VWDE: variants seen among roughly 807,000 people sequenced by gnomAD.
VWDE encodes von Willebrand factor D and EGF domains.
Under a neutral mutation model 178.4 loss-of-function variants are expected in VWDE, and 207 were observed. The observed-to-expected ratio is 1.16, with a 90% CI of 1.04 to 1.30. The LOEUF is 1.30. Among genes scored for constraint, VWDE ranks in the 50% most tolerant of loss-of-function variants. VWDE has a pLI of 0.00. For synonymous variants in VWDE, 738 were observed against 651.4 expected, an observed-to-expected ratio of 1.13 and a Z score of -2.02; for missense variants, 2,287 against 1,901.3, an observed-to-expected ratio of 1.20 and a Z score of -3.77.
intron 3 of VWDE, 23 bp from the exon 4 acceptor site, chr7:12,383,624 T>G (rs1489887308): frequency 1.9e-6 from 3 of 1,546,590 alleles, no homozygotes; most frequent in Non-Finnish European, 2.6e-6. Flanking sequence ...AAGGTTTGTA[T>G]AATTATTCAG....
chr7:12,354,104 TA>T (rs1448874230), intron 18 of VWDE: 9 of 175,064 alleles, frequency 5.1e-5, no homozygotes, highest in Admixed American at 6.4e-5. Flanking sequence ...TTGTGATTTC[TA>T]TCAAAAGACA....
intron 2 of VWDE, among the ~76,000 whole-genome samples, chr7:12,392,762 T>C (rs1784443560): frequency 6.7e-6 from 1 of 149,226 alleles, no homozygotes; most frequent in African/African-American, 2.5e-5. Flanking sequence ...ATGATCACAA[T>C]CATATCGTGT....
chr7:12,397,034 A>T (rs961540675), intron 1 of VWDE, among the ~76,000 whole-genome samples: 13 of 152,132 alleles, frequency 8.5e-5, no homozygotes, highest in African/African-American at 2.9e-4. Context: ...TGAAACTACC[A>T]ATGTTGTTTT....
chr7:12,362,648 C>T (rs2128553691), intron 13 of VWDE, among the ~76,000 whole-genome samples: 1 of 152,208 alleles, frequency 6.6e-6, no homozygotes, highest in Non-Finnish European at 1.5e-5. Flanking sequence ...CAGAATTTGT[C>T]ATAGAGCATG....
In VWDE at chr7:12,343,144, T is replaced by A. The variant is rs199627971; in HGVS notation, c.4113A>T (p.Thr1371=). Reference sequence around the variant, plus strand: ...AAGTGCAGAGATTCCCAGCCAAGCATGTGCCACCATGTTGACAAGGTGGGT... The same window carrying A: ...AAGTGCAGAGATTCCCAGCCAAGCAAGTGCCACCATGTTGACAAGGTGGGT... ...HCNPPCQHGG[T]CLAGNLCTCP... Residue 1371 remains threonine (T), a synonymous_variant, in exon 22 of 29, where the codon ACA becomes ACT. Coordinates refer to ENST00000275358, the MANE Select transcript of VWDE (RefSeq NM_001135924.3). The A allele has an allele frequency of 2.8e-4, 436 of 1,549,842 alleles. 1 individual carries two copies. The Middle Eastern group carries it at 3.0e-3, about 11-fold the overall frequency.
chr7:12,374,831 T>C (rs1172712538), intron 8 of VWDE, 69 bp from the exon 9 acceptor site: 1 of 1,172,848 alleles, frequency 8.5e-7, no homozygotes, highest in Non-Finnish European at 1.2e-6. Context: ...AAAAATTGCT[T>C]AGCAATCTCA....
intron 18 of VWDE, 40 bp from the exon 19 acceptor site, chr7:12,351,753 A>G (rs1208718346): frequency 1.3e-6 from 2 of 1,489,828 alleles, no homozygotes; most frequent in Admixed American, 4.7e-5. Context: ...GACTTAAACT[A>G]TTAGACAACC....
intron 19 of VWDE, among the ~76,000 whole-genome samples, chr7:12,349,800 G>A (rs920369419): frequency 2.2e-4 from 34 of 152,072 alleles, no homozygotes; most frequent in Admixed American, 1.4e-3. Flanking sequence ...ACAGTGGAAA[G>A]ATACAACTAA....
At chr7:12,388,821 T>A (rs1784229660) in intron 3 of VWDE, 1 of 486,218 alleles carries the variant, frequency 2.1e-6, no homozygotes, top group Non-Finnish European at 3.9e-6. Flanking sequence ...TCTTCATCCT[T>A]TAATTAAAAC....
Position 12,357,253 on chromosome 7 carries a change from T to C in VWDE, c.3525+12A>G. 1 of 1,549,180 alleles carries C rather than the reference T, an allele frequency of 6.5e-7. No individual in the cohort carries two copies. The highest frequency in any genetic ancestry group is 8.7e-7 in the Non-Finnish European group (1 of 1,144,968). On this transcript the variant is annotated intron_variant, in intron 17 of 28. Transcript: ENST00000275358. ...AAGAATCCAGTGGCACTTATGTAAT[T>C]ATAAAGATTACCTCAATCGTGACTC...
rs78090033 is a variant in VWDE at position 12,370,007 on chromosome 7, G to C, written c.2299C>G (p.Leu767Val). The change falls in exon 12 of 29, where the codon CTC (leucine) becomes GTC (valine). Residue 767 changes from leucine to valine, a missense_variant. Physicochemically the swap from Leu to Val is conservative, Grantham distance 32 (BLOSUM62 1). Transcript: ENST00000275358. ...EFPPLFAFPS[L>V]SQTDLEELTY... ...AGTTCTTCCAGATCCGTTTGGCTGA[G>C]ACTCGGGAAAGCAAACAAAGGAGGA... is the stretch of plus-strand genomic sequence containing the variant. The C allele has an allele frequency of 1.7e-3, 2,686 of 1,551,502 alleles. 45 individuals are homozygous for C. In the African/African-American group the frequency reaches 0.032, roughly 18 times the overall value.
At chr7:12,356,978 T>C (rs1035513145) in intron 17 of VWDE, among the ~76,000 whole-genome samples, 1 of 152,196 alleles carries the variant, frequency 6.6e-6, no homozygotes, top group East Asian at 1.9e-4. Context: ...CACACATCTT[T>C]CATGAAGGTG....
intron 4 of VWDE, among the ~76,000 whole-genome samples, chr7:12,382,611 T>C (rs1783908930): frequency 6.6e-6 from 1 of 151,950 alleles, no homozygotes; most frequent in Non-Finnish European, 1.5e-5. Context: ...TATCCTGATT[T>C]ATTTTATGTA....
chr7:12,391,325 G>A (rs111846474), intron 2 of VWDE, among the ~76,000 whole-genome samples: 2 of 152,032 alleles, frequency 1.3e-5, no homozygotes, highest in African/African-American at 4.8e-5. Flanking sequence ...GTATTAACCT[G>A]TAGAGAAAAA....
At chr7:12,400,928 T>C (rs1438389109) in intron 1 of VWDE, among the ~76,000 whole-genome samples, 4 of 152,088 alleles carry the variant, frequency 2.6e-5, no homozygotes. Flanking sequence ...ATTACTATAA[T>C]AAACCACATA....
intron 13 of VWDE, among the ~76,000 whole-genome samples, chr7:12,363,390 C>T (rs1422326797): frequency 6.6e-6 from 1 of 151,940 alleles, no homozygotes; most frequent in Non-Finnish European, 1.5e-5. Context: ...TCATAATGTG[C>T]CATCCATTTC....
At chr7:12,389,735 T>G (rs1784291774) in intron 2 of VWDE, among the ~76,000 whole-genome samples, 2 of 152,192 alleles carry the variant, frequency 1.3e-5, no homozygotes, top group African/African-American at 4.8e-5. Flanking sequence ...AAACTGATCT[T>G]GGAAAACTCT....
chr7:12,382,351 T>C (rs1783893417), intron 4 of VWDE, among the ~76,000 whole-genome samples: 1 of 151,870 alleles, frequency 6.6e-6, no homozygotes, highest in Non-Finnish European at 1.5e-5. Context: ...TTACTGCTGC[T>C]ATTATGAATA....
At chr7:12,343,719 A>T (rs1781449896) in intron 21 of VWDE, among the ~76,000 whole-genome samples, 1 of 152,172 alleles carries the variant, frequency 6.6e-6, no homozygotes, top group Admixed American at 6.6e-5. Flanking sequence ...GCTATTTCAT[A>T]AATTTTCCGC....
Sources: gnomAD v4.1 joint callset for allele counts (sites outside exome capture counted in the v4.1 genomes callset) on GRCh38, gnomAD v4.1.1 for gene constraint, MANE v1.5 for transcripts, NCBI Gene and HGNC (gene_info 2026-07-23, HGNC 2026-07-21) for gene names.